TMOD3: variants seen among roughly 807,000 people sequenced by gnomAD.
The protein encoded by TMOD3 is tropomodulin 3.
TMOD3 carries 20 observed loss-of-function variants against 39.2 expected under a neutral mutation model. That is an observed-to-expected ratio of 0.51 (90% confidence interval 0.36 to 0.74). TMOD3 has a LOEUF of 0.74. TMOD3 is among the 30% of genes least tolerant of loss of function. TMOD3 has a pLI of 0.00. For missense variants in TMOD3, 381 were observed against 412.8 expected, an observed-to-expected ratio of 0.92 and a Z score of 0.67; for synonymous variants, 143 against 145.8, an observed-to-expected ratio of 0.98 and a Z score of 0.14.
chr15:51,875,600 T>C (rs977255459), intron 3 of TMOD3, among the ~76,000 whole-genome samples: 1 of 148,446 alleles, frequency 6.7e-6, no homozygotes, highest in Non-Finnish European at 1.5e-5. Flanking sequence ...TTACATACCG[T>C]AAAGTACTGC....
chr15:51,846,234 AG>A (rs2056335357), intron 1 of TMOD3, among the ~76,000 whole-genome samples: 1 of 151,886 alleles, frequency 6.6e-6, no homozygotes, highest in Non-Finnish European at 1.5e-5. Context: ...GAGAGGCTGA[AG>A]TGGGAGGATT....
intron 3 of TMOD3, among the ~76,000 whole-genome samples, chr15:51,886,833 A>G (rs1047244451): frequency 6.6e-6 from 1 of 152,222 alleles, no homozygotes; most frequent in Non-Finnish European, 1.5e-5. Flanking sequence ...CACTCAGGAC[A>G]TAGAAATTTG....
intron 3 of TMOD3, among the ~76,000 whole-genome samples, chr15:51,884,283 G>C (rs534950774): frequency 6.6e-6 from 1 of 152,360 alleles, no homozygotes; most frequent in Admixed American, 6.5e-5. Context: ...TCTAGGCAAG[G>C]ATGCAGGGAT....
chr15:51,902,531 C>T (rs375495636), intron 9 of TMOD3, among the ~76,000 whole-genome samples: 3 of 152,014 alleles, frequency 2.0e-5, no homozygotes, highest in African/African-American at 4.8e-5. Context: ...AGTGCAGTGG[C>T]GCCATCTCGG....
chr15:51,870,623 A>G (rs915811291), intron 3 of TMOD3, among the ~76,000 whole-genome samples: 11 of 152,216 alleles, frequency 7.2e-5, no homozygotes, highest in Non-Finnish European at 1.3e-4. Flanking sequence ...AGGCTTGTGA[A>G]TGGCTATTGA....
At chr15:51,897,781 C>CAAAAAAAAAA (rs35282838) in intron 7 of TMOD3, among the ~76,000 whole-genome samples, 1 of 111,064 alleles carries the variant, frequency 9.0e-6, no homozygotes, top group African/African-American at 3.4e-5. Context: ...CCACGCCCAG[C>CAAAAAAAAAA]AAAAAAAAAA....
At chr15:51,834,334 C>T (rs2056270711) in intron 1 of TMOD3, among the ~76,000 whole-genome samples, 1 of 151,628 alleles carries the variant, frequency 6.6e-6, no homozygotes, top group African/African-American at 2.4e-5. Context: ...TGTTTTTTGT[C>T]CTGACCAATA....
rs763195524 is a variant in TMOD3, at chr15:51,912,467, C to T, written c.*3657C>T. On this transcript the variant is annotated 3_prime_UTR_variant, in exon 10 of 10. Transcript: ENST00000308580. ...TTTTTTTTTTTTATAAAATGTTACT[C>T]ATATCATATTGTACGTTATATTTAA... is the stretch of plus-strand genomic sequence containing the variant. 2 of 150,882 alleles carry T rather than the reference C, an allele frequency of 1.3e-5. No individual in the cohort carries two copies. Among genetic ancestry groups the T allele is most frequent in the African/African-American group, 4.9e-5 (2 of 40,990 alleles). The allele number at this position is 150,882 out of a possible 1,614,324, so 9.3% of individuals were successfully genotyped here. A position where few individuals can be genotyped will look rare whatever the true frequency, so the allele number is the denominator to read the frequency against.
At chr15:51,848,438 A>G (rs1488402658) in intron 1 of TMOD3, among the ~76,000 whole-genome samples, 1 of 152,208 alleles carries the variant, frequency 6.6e-6, no homozygotes, top group Non-Finnish European at 1.5e-5. Context: ...ACCAGCAGAG[A>G]TGAAACTCAA....
chr15:51,895,216 C>CTTTT (rs974778013), intron 6 of TMOD3, among the ~76,000 whole-genome samples: 1 of 138,144 alleles, frequency 7.2e-6, no homozygotes. Flanking sequence ...TGATTACTAA[C>CTTTT]TTTTTTTTTT....
At chr15:51,900,323 C>A in intron 8 of TMOD3, 25 bp downstream of exon 8, 1 of 1,612,844 alleles carries the variant, frequency 6.2e-7, no homozygotes, top group Non-Finnish European at 8.5e-7. Context: ...ATAATAACGT[C>A]GAGGAAGCTA....
Position 51,881,550 on chromosome 15 carries a change from CTTTTTTTTTTTTT to C in TMOD3, c.284-6023_284-6011del, listed in dbSNP as rs753814979. Among the ~76,000 whole-genome samples, 52 of 61,840 alleles carry C rather than the reference CTTTTTTTTTTTTT, an allele frequency of 8.4e-4. No homozygotes were observed. The South Asian group carries it at 0.017, about 21-fold the overall frequency. 40.6% of individuals were successfully genotyped at this position (61,840 alleles called of 152,430 possible). On this transcript the variant is annotated intron_variant, in intron 3 of 9. Transcript: ENST00000308580. ...ACGGAGATACAATCTTTCTTTATTT[CTTTTTTTTTTTTT>C]TTTTTTTTTTTTTTTGAGACAGAGT... is the stretch of plus-strand genomic sequence containing the variant.
rs1276353736 is a variant in TMOD3 at position 51,869,365 on chromosome 15, A to G, written c.275A>G (p.Glu92Gly). ...GAAGACTATGTGCCCTACACTGGAG[A>G]AAAAAAAGGTAAGCCCCAGAATTTT... is the stretch of plus-strand genomic sequence containing the variant. ...DREDYVPYTG[E>G]KKGKIFIPKQ... The change falls in exon 3 of 10, where the codon GAA becomes GGA. Residue 92 changes from glutamate to glycine, a missense_variant. Physicochemically the swap from Glu to Gly is moderately conservative, Grantham distance 98 (BLOSUM62 -2). Transcript: ENST00000308580. 1.9e-6 allele frequency: 3 copies of G among 1,606,222 alleles called. No individual in the cohort carries two copies. The highest frequency in any genetic ancestry group is 1.7e-5 in the Admixed American group (1 of 57,978).
At chr15:51,866,649 T>TATACATCTATGCATTAATGATGGAGAAGG (rs2056448593) in intron 2 of TMOD3, among the ~76,000 whole-genome samples, 5 of 152,164 alleles carry the variant, frequency 3.3e-5, no homozygotes, top group Admixed American at 1.3e-4. Flanking sequence ...AATAGCAATA[T>TATACATCTATGCATTAATGATGGAGAAGG]ATACATCTAT....
At chr15:51,897,705 G>C (rs1443885313) in intron 7 of TMOD3, among the ~76,000 whole-genome samples, 1 of 146,182 alleles carries the variant, frequency 6.8e-6, no homozygotes, top group African/African-American at 2.5e-5. Flanking sequence ...GGCTGGTCTC[G>C]AGCTCCTGAC....
At chr15:51,851,759 G>C (rs1365755658) in intron 1 of TMOD3, among the ~76,000 whole-genome samples, 1 of 152,152 alleles carries the variant, frequency 6.6e-6, no homozygotes. Context: ...TGCAGCTCGT[G>C]TTTTTATCCC....
intron 3 of TMOD3, among the ~76,000 whole-genome samples, chr15:51,872,959 C>T (rs2056483458): frequency 6.6e-6 from 1 of 152,176 alleles, no homozygotes; most frequent in African/African-American, 2.4e-5. Context: ...GCCTTATAAG[C>T]CATGTCACAG....
At chr15:51,887,034 C>T (rs1393774357) in intron 3 of TMOD3, among the ~76,000 whole-genome samples, 1 of 151,940 alleles carries the variant, frequency 6.6e-6, no homozygotes, top group Non-Finnish European at 1.5e-5. Context: ...GCCTGGCCAA[C>T]ATGGCAAAAC....
intron 1 of TMOD3, among the ~76,000 whole-genome samples, chr15:51,833,921 C>T (rs1038627372): frequency 4.6e-5 from 7 of 152,100 alleles, no homozygotes; most frequent in African/African-American, 1.4e-4. Flanking sequence ...CTACTTGCTC[C>T]GTATTTTTAG....
Sources: allele counts gnomAD v4.1 joint callset (sites outside exome capture counted in the v4.1 genomes callset), GRCh38; gene constraint gnomAD v4.1.1; transcripts MANE v1.5; gene names NCBI Gene and HGNC (gene_info 2026-07-23, HGNC 2026-07-21).